Variants in NCAPH observed in about 807,000 individuals in gnomAD.
NCAPH encodes non-SMC condensin I complex subunit H.
A neutral mutation model predicts 85.5 loss-of-function variants in NCAPH; 38 were observed. The observed-to-expected ratio is 0.44, with a 90% confidence interval of 0.34 to 0.58. The LOEUF (loss-of-function observed/expected upper bound fraction) is 0.58. NCAPH is among the 20% of genes least tolerant of loss of function. The pLI, the probability that NCAPH is intolerant of heterozygous loss-of-function variation, is 0.01. For missense variants in NCAPH, 789 were observed against 916.6 expected (o/e 0.86, Z 1.80); for synonymous variants, 301 against 335.1 (o/e 0.90, Z 1.11).
chr2:96,363,534 T>C (rs1284344869), intron 12 of NCAPH, among the ~76,000 whole-genome samples: 3 of 152,248 alleles, frequency 2.0e-5, no homozygotes, highest in Admixed American at 2.0e-4. Flanking sequence ...TATATTAAAA[T>C]ATTCAGTGTG....
intron 6 of NCAPH, among the ~76,000 whole-genome samples, chr2:96,346,065 T>C (rs1287541725): frequency 2.0e-5 from 3 of 152,154 alleles, no homozygotes; most frequent in Non-Finnish European, 4.4e-5. Flanking sequence ...GAAGGGATTA[T>C]TGATGATGCA....
chr2:96,373,408 A>ATG lies in NCAPH; in HGVS notation c.*58_*59insGT. 6.6e-7 allele frequency: 1 copy of ATG among 1,522,950 alleles called. No homozygotes were observed. The highest frequency in any genetic ancestry group is 9.1e-7 in the Non-Finnish European group (1 of 1,099,520). 94.3% of individuals were successfully genotyped at this position (1,522,950 alleles called of 1,614,324 possible). A position where few individuals can be genotyped will look rare whatever the true frequency, so the allele number is the denominator to read the frequency against. On this transcript the variant is annotated 3_prime_UTR_variant, in exon 18 of 18. Transcript: ENST00000240423. Reference sequence around the variant, plus strand: ...CCATCCCTTACTCAGTTGCCGGGACATCCCCAGTCTCGGGGGAAGAAGATG... The same window carrying ATG: ...CCATCCCTTACTCAGTTGCCGGGACATGTCCCCAGTCTCGGGGGAAGAAGATG...
chr2:96,353,513 T>A (rs557791859), intron 8 of NCAPH, 116 bp downstream of exon 8: 4 of 921,688 alleles, frequency 4.3e-6, no homozygotes, highest in Non-Finnish European at 6.7e-6. Context: ...CAGAAAATAT[T>A]TCCTTTGGCA....
chr2:96,345,468 G>T (rs1223462129), intron 6 of NCAPH, among the ~76,000 whole-genome samples: 1 of 152,246 alleles, frequency 6.6e-6, no homozygotes, highest in Non-Finnish European at 1.5e-5. Flanking sequence ...GGGCTCTGCT[G>T]CAGCCGGGGT....
At chr2:96,360,856 A>G in intron 12 of NCAPH, 146 bp downstream of exon 12, 1 of 1,025,850 alleles carries the variant, frequency 9.7e-7, no homozygotes, top group East Asian at 2.6e-5. Flanking sequence ...CAAATAGATA[A>G]GGCAAAGAAA....
At chr2:96,357,806 G>A (rs2064544069) in intron 9 of NCAPH, among the ~76,000 whole-genome samples, 1 of 151,874 alleles carries the variant, frequency 6.6e-6, no homozygotes, top group African/African-American at 2.4e-5. Flanking sequence ...AGCCTTTTTA[G>A]CTTATTCCAT....
rs575468653 is a variant in NCAPH at position 96,342,320 on chromosome 2, C to T, written c.363+180C>T. ...GGTGCACCTCCTGAGAGGCTGCCAG[C>T]TATCTGCTGTGTATCTAGAAAGGCA... is the stretch of plus-strand genomic sequence containing the variant. On this transcript the variant is annotated intron_variant, in intron 3 of 17. Transcript: ENST00000240423. Among the ~76,000 whole-genome samples, 62 of 152,332 alleles carry T rather than the reference C, an allele frequency of 4.1e-4. 1 individual carries two copies. Among genetic ancestry groups the T allele is most frequent in the African/African-American group, 1.5e-3 (61 of 41,568 alleles).
chr2:96,347,295 A>G (rs1212491130), intron 6 of NCAPH, among the ~76,000 whole-genome samples: 11 of 107,654 alleles, frequency 1.0e-4, no homozygotes, highest in Admixed American at 8.5e-4. Context: ...TTTTTTTTTT[A>G]TCACTTTTGC....
At chr2:96,356,176 C>T (rs979844455) in intron 9 of NCAPH, among the ~76,000 whole-genome samples, 5 of 152,224 alleles carry the variant, frequency 3.3e-5, no homozygotes, top group African/African-American at 1.2e-4. Context: ...ATCTTAGACT[C>T]TATCCTACCT....
rs2064827949 is a variant in NCAPH at position 96,376,000 on chromosome 2, TA to T, written c.*2651del. On this transcript the variant is annotated 3_prime_UTR_variant, in exon 18 of 18. Transcript: ENST00000240423. ...TGGGACTTTTCAGCCTCCATAACTGTAATAAATTCCTTTGTCAGTTACCCAG... is the reference window on the plus strand; with the variant it reads ...TGGGACTTTTCAGCCTCCATAACTGTATAAATTCCTTTGTCAGTTACCCAG... 6.6e-6 allele frequency among the ~76,000 whole-genome samples: 1 copy of T among 152,154 alleles called. No homozygotes were observed. The highest frequency in any genetic ancestry group is 2.4e-5 in the African/African-American group (1 of 41,432).
At chr2:96,337,930 C>A (rs1232446834) in intron 1 of NCAPH, among the ~76,000 whole-genome samples, 1 of 150,572 alleles carries the variant, frequency 6.6e-6, no homozygotes. Context: ...CTCCAACAAC[C>A]CTTTTTTTTT....
chr2:96,346,629 A>T (rs2064364829), intron 6 of NCAPH, among the ~76,000 whole-genome samples: 4 of 152,090 alleles, frequency 2.6e-5, no homozygotes, highest in African/African-American at 9.7e-5. Context: ...TAATATAATC[A>T]GTAGATTGTA....
chr2:96,343,420 CAG>C, intron 5 of NCAPH, 116 bp downstream of exon 5: 6 of 1,295,976 alleles, frequency 4.6e-6, no homozygotes, highest in Non-Finnish European at 6.2e-6. Context: ...TTATTGAAGA[CAG>C]GGCATTTTTA....
At chr2:96,358,133 A>G (rs1334287282) in intron 9 of NCAPH, among the ~76,000 whole-genome samples, 1 of 152,214 alleles carries the variant, frequency 6.6e-6, no homozygotes, top group East Asian at 1.9e-4. Context: ...ATGTAGAAAG[A>G]GTGAAAAACC....
rs192840328 is a variant in NCAPH, at chr2:96,371,973, A to G, written c.2167-1319A>G. Among the ~76,000 whole-genome samples the G allele has an allele frequency of 3.9e-5, 6 of 152,276 alleles. No individual in the cohort carries two copies. In the East Asian group the frequency reaches 1.2e-3, roughly 29 times the overall value. On this transcript the variant is annotated intron_variant, in intron 17 of 17. Coordinates refer to ENST00000240423, the MANE Select transcript of NCAPH (RefSeq NM_015341.5). Reference sequence around the variant, plus strand: ...GATGGACGTGAGGCCCTCTGCCTTCATGTCTCTGCATGTTAGCAGTGTGCA... The same window carrying G: ...GATGGACGTGAGGCCCTCTGCCTTCGTGTCTCTGCATGTTAGCAGTGTGCA...
intron 1 of NCAPH, among the ~76,000 whole-genome samples, chr2:96,339,960 T>C (rs1410391470): frequency 6.6e-6 from 1 of 152,170 alleles, no homozygotes. Context: ...TCTCACTCTG[T>C]TGCCCCGGCT....
intron 6 of NCAPH, among the ~76,000 whole-genome samples, chr2:96,350,495 G>C (rs577196179): frequency 5.3e-5 from 8 of 151,768 alleles, no homozygotes; most frequent in Middle Eastern, 3.4e-3. Context: ...TTTTAGGATG[G>C]GGAAAAAAAA....
intron 15 of NCAPH, 90 bp from the exon 16 acceptor site, chr2:96,368,882 T>C: frequency 8.4e-7 from 1 of 1,191,408 alleles, no homozygotes; most frequent in Admixed American, 2.5e-5. Context: ...TGTTTAGGTA[T>C]AGACTTTTTG....
At position 96,363,901 on chromosome 2, in the gene NCAPH, C is replaced by A. The variant is rs534534353; in HGVS notation, c.1588-580C>A. Reference sequence around the variant, plus strand: ...AGTATGGCTCAGTGCAGCCTCAACCCCTGGGCTCAAATGATCCTCCTGCCT... The same window carrying A: ...AGTATGGCTCAGTGCAGCCTCAACCACTGGGCTCAAATGATCCTCCTGCCT... On this transcript the variant is annotated intron_variant, in intron 12 of 17. Coordinates refer to ENST00000240423, the MANE Select transcript of NCAPH (RefSeq NM_015341.5). 2.0e-4 allele frequency among the ~76,000 whole-genome samples: 30 copies of A among 152,098 alleles called. 1 individual carries two copies. In the South Asian group the frequency reaches 5.4e-3, roughly 27 times the overall value.
Sources: allele counts gnomAD v4.1 joint callset (sites outside exome capture counted in the v4.1 genomes callset), GRCh38; gene constraint gnomAD v4.1.1; transcripts MANE v1.5; gene names NCBI Gene and HGNC (gene_info 2026-07-23, HGNC 2026-07-21).